Variants in HOXC4 observed in about 807,000 individuals in gnomAD.
The protein encoded by HOXC4 is homeobox protein Hox-C4.
Under a neutral mutation model 25.5 loss-of-function variants are expected in HOXC4, and 15 were observed. That is an observed-to-expected ratio of 0.59 (90% CI 0.39 to 0.91). HOXC4 has a LOEUF of 0.91. Ranked by LOEUF, HOXC4 falls within the 40% of genes least tolerant of loss-of-function variation. The pLI is 0.00. For synonymous variants in HOXC4, 165 were observed against 148.0 expected, an observed-to-expected ratio of 1.11 and a Z score of -0.83; for missense variants, 342 against 352.4, an observed-to-expected ratio of 0.97 and a Z score of 0.24.
intron 1 of HOXC4, among the ~76,000 whole-genome samples, chr12:54,046,540 T>C (rs1406532911): frequency 8.6e-5 from 13 of 152,000 alleles, no homozygotes. Flanking sequence ...GAGGGAAATA[T>C]ATATATATAT....
intron 1 of HOXC4, among the ~76,000 whole-genome samples, chr12:54,046,447 G>T (rs569032590): frequency 6.6e-6 from 1 of 152,080 alleles, no homozygotes; most frequent in Admixed American, 6.5e-5. Context: ...TAGGTCAGGG[G>T]ACAGGGAGAA....
chr12:54,052,196 G>A (rs557392329), upstream of HOXC4, among the ~76,000 whole-genome samples: 75 of 152,258 alleles, frequency 4.9e-4, no homozygotes, highest in Non-Finnish European at 7.4e-4. Context: ...TGGAAAGGAG[G>A]GAGCAGGCAG....
intron 1 of HOXC4, among the ~76,000 whole-genome samples, chr12:54,044,198 T>C (rs1344190843): frequency 2.0e-5 from 3 of 152,086 alleles, no homozygotes; most frequent in African/African-American, 4.8e-5. Context: ...GCTTGGCAGA[T>C]TGGATTGCAC....
At chr12:54,037,326 T>A (rs1941202311) in intron 1 of HOXC4, among the ~76,000 whole-genome samples, 1 of 152,098 alleles carries the variant, frequency 6.6e-6, no homozygotes, top group Non-Finnish European at 1.5e-5. Flanking sequence ...GGTAACAGGG[T>A]CTGGCATTGC....
At chr12:54,044,630 C>G (rs1051766909) in intron 1 of HOXC4, among the ~76,000 whole-genome samples, 2 of 152,130 alleles carry the variant, frequency 1.3e-5, no homozygotes, top group Non-Finnish European at 2.9e-5. Context: ...ATAGGGGAAC[C>G]CCATCGTGTA....
At chr12:54,052,580 G>T (rs1469279432), upstream of HOXC4, among the ~76,000 whole-genome samples, 1 of 145,166 alleles carries the variant, frequency 6.9e-6, no homozygotes, top group Non-Finnish European at 1.5e-5. Flanking sequence ...GGGGGGGGGG[G>T]GTGGTGGTTA....
At chr12:54,033,925 T>G in intron 1 of HOXC4, 1 of 399,188 alleles carries the variant, frequency 2.5e-6, no homozygotes. Context: ...CCGCCGGCGC[T>G]TGCGGCTCCG....
chr12:54,025,696 C>T (rs1354495711), intron 1 of HOXC4, among the ~76,000 whole-genome samples: 5 of 152,092 alleles, frequency 3.3e-5, no homozygotes, highest in Admixed American at 3.3e-4. Context: ...CAGTCTCTGC[C>T]CTCTGTTTAG....
chr12:54,017,645 T>C (rs554585896), intron 1 of HOXC4, among the ~76,000 whole-genome samples: 38 of 151,718 alleles, frequency 2.5e-4, no homozygotes, highest in Non-Finnish European at 4.7e-4. Context: ...GTGTGCCAAG[T>C]TGGGGGTGGG....
chr12:54,052,569 T>TG (rs760468397), upstream of HOXC4, among the ~76,000 whole-genome samples: 36,473 of 125,538 alleles, frequency 0.29, 5,335 homozygotes, highest in South Asian at 0.43. Context: ...CACCCCTAGC[T>TG]GGGGGGGGGG....
chr12:54,045,997 G>T (rs1053597762), intron 1 of HOXC4, among the ~76,000 whole-genome samples: 1 of 152,182 alleles, frequency 6.6e-6, no homozygotes, highest in African/African-American at 2.4e-5. Flanking sequence ...CCCAGTTCCT[G>T]TTGGATCCCC....
chr12:54,032,823 T>A, intron 1 of HOXC4: 1 of 123,486 alleles, frequency 8.1e-6, no homozygotes, highest in Non-Finnish European at 1.6e-5. Context: ...CCCCCTTCCC[T>A]CTTTCTCTCT....
chr12:54,040,712 T>C (rs1355416089), intron 1 of HOXC4, among the ~76,000 whole-genome samples: 1 of 152,242 alleles, frequency 6.6e-6, no homozygotes, highest in East Asian at 1.9e-4. Flanking sequence ...ATTCAAATTC[T>C]GGCTGTGATT....
chr12:54,050,182 G>A (rs553459306), upstream of HOXC4, among the ~76,000 whole-genome samples: 1 of 152,228 alleles, frequency 6.6e-6, no homozygotes, highest in African/African-American at 2.4e-5. Flanking sequence ...GGGAGGGGAG[G>A]AATATGGGTT....
chr12:54,025,432 C>G lies in HOXC4; in HGVS notation c.-124+8018C>G, dbSNP rs74521594. ...CGGGCTCATCTGACCTGCTCTCCCC[C>G]CTTGGAGCGAATCCTTTCAGCAAAT... On this transcript the variant is annotated intron_variant, in intron 1 of 3. Coordinates refer to the HOXC4 transcript ENST00000303406. Among the ~76,000 whole-genome samples, 13 of 151,834 alleles carry G rather than the reference C, an allele frequency of 8.6e-5. No homozygotes were observed. The South Asian group carries it at 1.0e-3, about 12-fold the overall frequency.
intron 1 of HOXC4, among the ~76,000 whole-genome samples, chr12:54,019,051 C>T (rs1040348301): frequency 2.6e-5 from 4 of 151,422 alleles, no homozygotes; most frequent in Non-Finnish European, 4.4e-5. Flanking sequence ...AATTTTATCT[C>T]CCCTCCCCCC....
chr12:54,043,173 C>T (rs1226782520), intron 1 of HOXC4, among the ~76,000 whole-genome samples: 1 of 152,192 alleles, frequency 6.6e-6, no homozygotes, highest in Non-Finnish European at 1.5e-5. Flanking sequence ...TTGGGCTGGG[C>T]CCTGAGCCGG....
chr12:54,031,439 G>A (rs1277789758), intron 1 of HOXC4, among the ~76,000 whole-genome samples: 2 of 152,340 alleles, frequency 1.3e-5, no homozygotes, highest in Non-Finnish European at 2.9e-5. Context: ...TACTCCTGAC[G>A]TGGCCGGGAC....
At chr12:54,051,478 G>A (rs1372253443), upstream of HOXC4, among the ~76,000 whole-genome samples, 2 of 151,684 alleles carry the variant, frequency 1.3e-5, no homozygotes, top group East Asian at 1.9e-4. Flanking sequence ...GCCTTCCTCC[G>A]CCCCCTCACT....
Sources: allele counts gnomAD v4.1 joint callset (sites outside exome capture counted in the v4.1 genomes callset), GRCh38; gene constraint gnomAD v4.1.1; transcripts MANE v1.5; gene names NCBI Gene and HGNC (gene_info 2026-07-23, HGNC 2026-07-21).